CFAP20DC: variants seen among roughly 807,000 people sequenced by gnomAD.
The protein encoded by CFAP20DC is CFAP20 domain containing.
CFAP20DC carries 84 observed loss-of-function variants against 101.7 expected under a neutral mutation model. That is an observed-to-expected ratio of 0.83 (90% confidence interval 0.69 to 0.99). The LOEUF (loss-of-function observed/expected upper bound fraction) is 0.99, where lower values mean the gene tolerates loss of function less well. Ranked by LOEUF, CFAP20DC falls within the 50% of genes least tolerant of loss-of-function variation. The probability of loss-of-function intolerance (pLI) is 0.00; values close to 1 mark genes in which losing one functional copy is unlikely to be tolerated. For synonymous variants in CFAP20DC, 359 were observed against 351.2 expected (o/e 1.02, Z -0.25); for missense variants, 1,007 against 970.3 (o/e 1.04, Z -0.50).
intron 15 of CFAP20DC, among the ~76,000 whole-genome samples, chr3:58,782,173 T>C (rs2071892993): frequency 6.6e-6 from 1 of 151,714 alleles, no homozygotes; most frequent in African/African-American, 2.4e-5. Flanking sequence ...AAATGATCTA[T>C]GAAGAATGAA....
intron 4 of CFAP20DC, chr3:58,992,609 A>G: frequency 1.0e-6 from 1 of 976,392 alleles, no homozygotes; most frequent in Non-Finnish European, 1.2e-6. Flanking sequence ...GGAGTATCAC[A>G]TTTTGCCTGC....
rs927776061 is a variant in CFAP20DC, at chr3:58,874,721, A to G, written c.716-4412T>C. ...TTTCTGATTAGGGTAAGTTCCTCCA[A>G]TATAGGCTCTTCCATAAATTTTCCC... is the stretch of plus-strand genomic sequence containing the variant. On this transcript the variant is annotated intron_variant, in intron 7 of 16. Transcript: ENST00000482387. This position sits in a 1 kb window ranked among gnomAD's most constrained non-coding sequence, Gnocchi z 5.1. 1.3e-5 allele frequency among the ~76,000 whole-genome samples: 2 copies of G among 152,136 alleles called. No individual in the cohort carries two copies. Among genetic ancestry groups the G allele is most frequent in the African/African-American group, 2.4e-5 (1 of 41,420 alleles).
At chr3:58,771,599 C>T (rs1000958926) in intron 15 of CFAP20DC, among the ~76,000 whole-genome samples, 1 of 152,120 alleles carries the variant, frequency 6.6e-6, no homozygotes, top group African/African-American at 2.4e-5. Flanking sequence ...GAAGAGCTCT[C>T]TGACCTTCTA....
At chr3:58,941,172 T>C (rs1406298402) in intron 4 of CFAP20DC, among the ~76,000 whole-genome samples, 1 of 150,890 alleles carries the variant, frequency 6.6e-6, no homozygotes, top group Non-Finnish European at 1.5e-5. Context: ...CTACTAAAAA[T>C]ACAGAAATTA....
At chr3:58,804,310 C>T (rs2073906950) in intron 15 of CFAP20DC, among the ~76,000 whole-genome samples, 1 of 151,916 alleles carries the variant, frequency 6.6e-6, no homozygotes, top group South Asian at 2.1e-4. Flanking sequence ...CAAATGGCTC[C>T]ACTGTCTAAC....
intron 5 of CFAP20DC, among the ~76,000 whole-genome samples, chr3:58,929,132 A>G (rs938053724): frequency 1.3e-5 from 2 of 152,224 alleles, no homozygotes; most frequent in African/African-American, 4.8e-5. Flanking sequence ...CGAATATGAA[A>G]GACCTTTCAG....
downstream of CFAP20DC, among the ~76,000 whole-genome samples, chr3:58,738,669 T>C (rs1330228691): frequency 1.3e-5 from 2 of 152,222 alleles, no homozygotes; most frequent in East Asian, 1.9e-4. The surrounding 1 kb of genome is among the most constrained non-coding windows in gnomAD (Gnocchi z 4.4). Flanking sequence ...GGTATCCTTG[T>C]AGTAGAATGA....
At chr3:58,804,821 T>C (rs1206281226) in intron 15 of CFAP20DC, among the ~76,000 whole-genome samples, 1 of 152,244 alleles carries the variant, frequency 6.6e-6, no homozygotes, top group African/African-American at 2.4e-5. Flanking sequence ...ATTCTAAGAA[T>C]GTTAAAATAC....
At chr3:58,780,130 G>T (rs1028316471) in intron 15 of CFAP20DC, among the ~76,000 whole-genome samples, 8 of 152,030 alleles carry the variant, frequency 5.3e-5, no homozygotes, top group African/African-American at 1.9e-4. Flanking sequence ...CTTCATAAAT[G>T]AAAGAGAAGT....
chr3:58,793,975 G>T (rs1311933118), intron 15 of CFAP20DC, among the ~76,000 whole-genome samples: 3 of 152,074 alleles, frequency 2.0e-5, no homozygotes, highest in Non-Finnish European at 4.4e-5. Context: ...TATTAGTTCT[G>T]CAAATAAAGA....
intron 4 of CFAP20DC, among the ~76,000 whole-genome samples, chr3:59,023,000 C>A (rs1364792327): frequency 6.6e-6 from 1 of 152,026 alleles, no homozygotes; most frequent in Non-Finnish European, 1.5e-5. Context: ...TACCATACTG[C>A]CAGTAGAGGT....
chr3:58,767,427 G>A (rs533838820), intron 15 of CFAP20DC, among the ~76,000 whole-genome samples: 1 of 152,132 alleles, frequency 6.6e-6, no homozygotes, highest in African/African-American at 2.4e-5. Flanking sequence ...GAAAATTTGT[G>A]TTCCTTTTTT....
At chr3:58,856,694 GAT>G (rs967880768) in intron 12 of CFAP20DC, among the ~76,000 whole-genome samples, 1 of 152,044 alleles carries the variant, frequency 6.6e-6, no homozygotes, top group Non-Finnish European at 1.5e-5. Context: ...TTTTCATAGA[GAT>G]AAAGAATAAA....
intron 12 of CFAP20DC, among the ~76,000 whole-genome samples, chr3:58,852,055 C>T (rs955383833): frequency 3.3e-5 from 5 of 152,142 alleles, no homozygotes; most frequent in Non-Finnish European, 7.3e-5. Flanking sequence ...ATGCCCAAAA[C>T]CATTGCCATG....
chr3:58,849,109 G>A lies in CFAP20DC; in HGVS notation c.1894C>T (p.Gln632Ter). 1 of 1,536,088 alleles carries A rather than the reference G, an allele frequency of 6.5e-7. No homozygotes were observed. The highest frequency in any genetic ancestry group is 8.7e-7 in the Non-Finnish European group (1 of 1,146,916). Residue 632 changes from glutamine (Q) to a stop codon, truncating the protein, a stop_gained, in exon 13 of 17, where the codon CAA (glutamine) becomes TAA (stop). Coordinates refer to ENST00000482387, the MANE Select transcript of CFAP20DC (RefSeq NM_001394063.1). LOFTEE classifies it high-confidence loss of function. ...GTTTTGTTTAGTGAAGCTGGCACTT[G>A]CTGGGCTGATAGATCCTTCGCTTTG... ...VIKAKDLSAQ[Q>*]VPASLNKTSL...
Position 58,868,529 on chromosome 3 carries a change from A to G in CFAP20DC, c.1016-593T>C, listed in dbSNP as rs1298871661. Among the ~76,000 whole-genome samples the G allele has an allele frequency of 6.6e-6, 1 of 152,172 alleles. No homozygotes were observed. The highest frequency in any genetic ancestry group is 2.4e-5 in the African/African-American group (1 of 41,452). On this transcript the variant is annotated intron_variant, in intron 9 of 16. Transcript: ENST00000482387. The surrounding 1 kb of genome is among the most constrained non-coding windows in gnomAD (Gnocchi z 4.6). Reference sequence around the variant, plus strand: ...GAGGCACCTGTTATTTATTATTAGTATTAGTGCCAGTAGTAATGCCATTCC... The same window carrying G: ...GAGGCACCTGTTATTTATTATTAGTGTTAGTGCCAGTAGTAATGCCATTCC...
At chr3:59,030,054 C>T (rs1313533808) in intron 4 of CFAP20DC, among the ~76,000 whole-genome samples, 1 of 152,140 alleles carries the variant, frequency 6.6e-6, no homozygotes, top group African/African-American at 2.4e-5. Flanking sequence ...AACCAGCTGG[C>T]AAGACTTCAC....
At chr3:58,812,550 T>G (rs1361904424) in intron 14 of CFAP20DC, among the ~76,000 whole-genome samples, 1 of 150,930 alleles carries the variant, frequency 6.6e-6, no homozygotes, top group Non-Finnish European at 1.5e-5. Flanking sequence ...GTCTGGGGAC[T>G]GTTGTGGGGT....
intron 15 of CFAP20DC, among the ~76,000 whole-genome samples, chr3:58,766,139 T>C (rs1328167083): frequency 6.6e-6 from 1 of 152,174 alleles, no homozygotes; most frequent in Non-Finnish European, 1.5e-5. Flanking sequence ...AATGTGTTAG[T>C]TTTATGAGCC....
Sources: gnomAD v4.1 joint callset for allele counts (sites outside exome capture counted in the v4.1 genomes callset) on GRCh38, gnomAD v4.1.1 for gene constraint, Gnocchi (gnomAD v3.1) non-coding constraint, MANE v1.5 for transcripts, NCBI Gene and HGNC (gene_info 2026-07-23, HGNC 2026-07-21) for gene names.